PYY: variants seen among roughly 807,000 people sequenced by gnomAD.
The protein encoded by PYY is peptide YY.
Under a neutral mutation model 10.3 loss-of-function variants are expected in PYY, and 12 were observed. The ratio of observed to expected loss-of-function variants is 1.17; its 90% CI spans 0.75 to 1.89. PYY has a LOEUF of 1.89. Among genes scored for constraint, PYY ranks in the 40% most tolerant of loss-of-function variants. The probability of loss-of-function intolerance (pLI) is 0.00; values close to 1 mark genes in which losing one functional copy is unlikely to be tolerated. For missense variants in PYY, 141 were observed against 134.0 expected, an observed-to-expected ratio of 1.05 and a Z score of -0.26; for synonymous variants, 66 against 62.0, an observed-to-expected ratio of 1.06 and a Z score of -0.30.
intron 1 of PYY, among the ~76,000 whole-genome samples, chr17:43,968,305 A>G (rs1709045440): frequency 6.6e-6 from 1 of 152,216 alleles, no homozygotes; most frequent in Admixed American, 6.5e-5. Flanking sequence ...CACGGACACA[A>G]TCATAGGAAG....
intron 1 of PYY, among the ~76,000 whole-genome samples, chr17:43,981,435 G>A (rs923633421): frequency 4.6e-5 from 7 of 151,922 alleles, no homozygotes; most frequent in African/African-American, 1.7e-4. Flanking sequence ...GTATCTCACT[G>A]TGGCTTTAAT....
At chr17:43,994,910 G>T (rs573837422) in intron 1 of PYY, among the ~76,000 whole-genome samples, 1 of 152,136 alleles carries the variant, frequency 6.6e-6, no homozygotes, top group African/African-American at 2.4e-5. Context: ...GAGCAAGAGG[G>T]TATCAGGAGT....
chr17:43,968,488 C>G (rs1261814181), intron 1 of PYY, among the ~76,000 whole-genome samples: 4 of 152,156 alleles, frequency 2.6e-5, no homozygotes, highest in African/African-American at 9.7e-5. Flanking sequence ...ATCAATATCT[C>G]TCATGGACAT....
intron 2 of PYY, among the ~76,000 whole-genome samples, chr17:43,962,507 T>A (rs1784004944): frequency 6.6e-6 from 1 of 152,216 alleles, no homozygotes; most frequent in Non-Finnish European, 1.5e-5. Flanking sequence ...TATTAACTAT[T>A]AACTATAGTC....
At chr17:43,988,010 G>C (rs1323897104) in intron 1 of PYY, among the ~76,000 whole-genome samples, 1 of 152,016 alleles carries the variant, frequency 6.6e-6, no homozygotes, top group African/African-American at 2.4e-5. Flanking sequence ...TGGTCTACTG[G>C]ACCATCACCT....
At chr17:43,974,495 A>G (rs1302157444) in intron 1 of PYY, among the ~76,000 whole-genome samples, 1 of 152,098 alleles carries the variant, frequency 6.6e-6, no homozygotes, top group Non-Finnish European at 1.5e-5. Context: ...GTGTGAGCAA[A>G]TCATTTCATC....
In PYY at chr17:43,987,281, T is replaced by C. The variant is rs2048921944; in HGVS notation, c.-463+17110A>G. 2.0e-5 allele frequency among the ~76,000 whole-genome samples: 3 copies of C among 152,114 alleles called. No individual in the cohort carries two copies. The highest frequency in any genetic ancestry group is 2.0e-4 in the Admixed American group (3 of 15,254). Reference sequence around the variant, plus strand: ...CGCTGCTCTCTGACTTAATTACTTCTCCTCCTGGCTGTAATGAATGTTTCT... The same window carrying C: ...CGCTGCTCTCTGACTTAATTACTTCCCCTCCTGGCTGTAATGAATGTTTCT... On this transcript the variant is annotated intron_variant, in intron 1 of 6. Transcript: ENST00000360085. This position sits in a 1 kb window ranked among gnomAD's most constrained non-coding sequence, Gnocchi z 4.0.
Position 43,952,879 on chromosome 17 carries a change from G to C in PYY, c.*77C>G, listed in dbSNP as rs2048640722. 7.6e-6 allele frequency: 11 copies of C among 1,438,238 alleles called. No homozygotes were observed. The highest frequency in any genetic ancestry group is 1.0e-5 in the Non-Finnish European group (11 of 1,078,294). The allele number at this position is 1,438,238 out of a possible 1,614,324, so 89.1% of individuals were successfully genotyped here. ...ACGCCGCCGTCGGGAGGCAGAATCC[G>C]GGTTTCTGGGGTCGGGAGTGCGTAT... On this transcript the variant is annotated 3_prime_UTR_variant, in exon 4 of 4. Coordinates refer to ENST00000692052, the MANE Select transcript of PYY (RefSeq NM_001394028.1).
chr17:43,962,238 C>A (rs548155245), intron 2 of PYY, among the ~76,000 whole-genome samples: 1 of 152,168 alleles, frequency 6.6e-6, no homozygotes, highest in South Asian at 2.1e-4. Flanking sequence ...ATGGGGGTAC[C>A]CTCTCACTCC....
At position 44,000,113 on chromosome 17, in the gene PYY, G is replaced by T. The variant is rs527554026; in HGVS notation, c.-463+4278C>A. On this transcript the variant is annotated intron_variant, in intron 1 of 6. Transcript: ENST00000360085. ...ATTGCATGCAGCCTCAACCTCCCAGGCTCAAGCAATCCTCCCACCTCCGCG... is the reference window on the plus strand; with the variant it reads ...ATTGCATGCAGCCTCAACCTCCCAGTCTCAAGCAATCCTCCCACCTCCGCG... Among the ~76,000 whole-genome samples the T allele has an allele frequency of 2.0e-5, 3 of 152,230 alleles. No homozygotes were observed. In the South Asian group the frequency reaches 6.2e-4, roughly 32 times the overall value.
chr17:43,979,288 T>G (rs2143935868), intron 1 of PYY, among the ~76,000 whole-genome samples: 1 of 152,346 alleles, frequency 6.6e-6, no homozygotes, highest in South Asian at 2.1e-4. Context: ...GGAGTCTTAT[T>G]AAGCCCTCCA....
chr17:43,963,592 AAG>A (rs1472729024), intron 2 of PYY, among the ~76,000 whole-genome samples: 4 of 83,644 alleles, frequency 4.8e-5, no homozygotes, highest in African/African-American at 8.5e-5. Flanking sequence ...GAAAGAAAGA[AAG>A]AAAGAAAGAA....
rs2048943590 is a variant in PYY, at chr17:43,989,844, AT to A, written c.-463+14546del. Among the ~76,000 whole-genome samples the A allele has an allele frequency of 3.6e-3, 2 of 558 alleles. 1 individual carries two copies. Among genetic ancestry groups the A allele is most frequent in the African/African-American group, 0.012 (2 of 166 alleles). The allele number at this position is 558 out of a possible 152,430, so 0.4% of individuals were successfully genotyped here. A position where few individuals can be genotyped will look rare whatever the true frequency, so the allele number is the denominator to read the frequency against. ...AAAAAAAAAAAAAAAAAAAAAAAAAATATATATATATATATATATATATATA... is the reference window on the plus strand; with the variant it reads ...AAAAAAAAAAAAAAAAAAAAAAAAAAATATATATATATATATATATATATA... On this transcript the variant is annotated intron_variant, in intron 1 of 6. Transcript: ENST00000360085.
intron 1 of PYY, among the ~76,000 whole-genome samples, chr17:43,984,647 A>G (rs552341419): frequency 2.0e-5 from 3 of 152,290 alleles, no homozygotes; most frequent in African/African-American, 7.2e-5. Context: ...CTTGCCTCCT[A>G]AGACACCAGC....
chr17:43,958,710 C>T (rs778961464), upstream of PYY, among the ~76,000 whole-genome samples: 1 of 152,126 alleles, frequency 6.6e-6, no homozygotes, highest in Non-Finnish European at 1.5e-5. Context: ...ATAGAATGTA[C>T]AAAAACAGGC....
intron 3 of PYY, 48 bp from the exon 4 acceptor site, chr17:43,953,028 G>A: frequency 6.3e-7 from 1 of 1,589,270 alleles, no homozygotes; most frequent in South Asian, 1.1e-5. Context: ...GCGAGCCTGG[G>A]AGACGTCGTT....
intron 1 of PYY, among the ~76,000 whole-genome samples, chr17:43,999,066 G>C (rs1297214577): frequency 6.6e-6 from 1 of 152,156 alleles, no homozygotes; most frequent in African/African-American, 2.4e-5. Context: ...GAGCTCTGTG[G>C]TTCTCCATCA....
chr17:43,992,810 C>T (rs1409687954), intron 1 of PYY, among the ~76,000 whole-genome samples: 1 of 152,138 alleles, frequency 6.6e-6, no homozygotes, highest in Middle Eastern at 3.2e-3. Flanking sequence ...CACTTGATGG[C>T]CATGTGACCA....
At chr17:43,963,574 G>GAAAGAAAGAAAGAA (rs1358852506) in intron 2 of PYY, among the ~76,000 whole-genome samples, 2,270 of 51,288 alleles carry the variant, frequency 0.044, 111 homozygotes, top group East Asian at 0.26. Context: ...GGAAGGAAAA[G>GAAAGAAAGAAAGAA]AAAGAAAGAA....
Sources: gnomAD v4.1 joint callset for allele counts (sites outside exome capture counted in the v4.1 genomes callset) on GRCh38, gnomAD v4.1.1 for gene constraint, Gnocchi (gnomAD v3.1) non-coding constraint, MANE v1.5 for transcripts, NCBI Gene and HGNC (gene_info 2026-07-23, HGNC 2026-07-21) for gene names.